The following TBC1D22A variants were observed in gnomAD, a reference collection of about 807,000 sequenced individuals.
TBC1D22A encodes the protein TBC1 domain family member 22A, also known as putative GTPase activator.
In TBC1D22A, 38 loss-of-function variants were observed where a neutral mutation model predicts 60.2. That is an observed-to-expected ratio of 0.63 (90% CI 0.49 to 0.83). TBC1D22A has a LOEUF of 0.83. TBC1D22A is among the 40% of genes least tolerant of loss of function. The pLI is 0.00. For synonymous variants in TBC1D22A, 302 were observed against 281.7 expected, an observed-to-expected ratio of 1.07 and a Z score of -0.72; for missense variants, 628 against 701.0, an observed-to-expected ratio of 0.90 and a Z score of 1.18.
At chr22:46,931,874 A>G (rs1315819574) in intron 8 of TBC1D22A, among the ~76,000 whole-genome samples, 1 of 152,174 alleles carries the variant, frequency 6.6e-6, no homozygotes, top group Non-Finnish European at 1.5e-5. Flanking sequence ...TTTTGTTCCT[A>G]GAAATGTTAA....
intron 4 of TBC1D22A, among the ~76,000 whole-genome samples, chr22:46,874,825 T>C (rs952663529): frequency 3.9e-5 from 6 of 152,038 alleles, no homozygotes; most frequent in African/African-American, 9.7e-5. Context: ...CTGCCCGCCT[T>C]GGCCTCCCAA....
At chr22:46,771,643 G>A (rs2083483074) in intron 1 of TBC1D22A, among the ~76,000 whole-genome samples, 1 of 151,036 alleles carries the variant, frequency 6.6e-6, no homozygotes, top group Non-Finnish European at 1.5e-5. Context: ...TGCCCAGGCT[G>A]GAGTGGAGTG....
intron 1 of TBC1D22A, among the ~76,000 whole-genome samples, chr22:46,784,268 TCCTGGTCTCAAGTGATCCGCCTG>T (rs936245732): frequency 6.6e-6 from 1 of 152,122 alleles, no homozygotes; most frequent in African/African-American, 2.4e-5. Flanking sequence ...AGTCTTGAAC[TCCTGGTCTCAAGTGATCCGCCTG>T]CCTGGTCTCA....
At chr22:47,060,935 C>T (rs535735877) in intron 11 of TBC1D22A, among the ~76,000 whole-genome samples, 2 of 152,318 alleles carry the variant, frequency 1.3e-5, no homozygotes, top group East Asian at 3.9e-4. Context: ...TGTCAGGGGC[C>T]TTGTCTTTGC....
chr22:47,091,975 G>A (rs180724175), intron 11 of TBC1D22A, among the ~76,000 whole-genome samples: 3 of 152,306 alleles, frequency 2.0e-5, no homozygotes, highest in African/African-American at 4.8e-5. Context: ...TGGAAAGCGT[G>A]TACTCGTGTA....
intron 4 of TBC1D22A, among the ~76,000 whole-genome samples, chr22:46,832,100 T>C (rs1196619096): frequency 6.6e-6 from 1 of 152,120 alleles, no homozygotes; most frequent in African/African-American, 2.4e-5. Flanking sequence ...TGGAAAATGG[T>C]GGGGGCCCAG....
chr22:46,851,982 T>A (rs1016998534), intron 4 of TBC1D22A, among the ~76,000 whole-genome samples: 11 of 152,128 alleles, frequency 7.2e-5, no homozygotes, highest in African/African-American at 2.4e-4. Context: ...TGCATTTGGG[T>A]TTGATGAAGA....
At chr22:46,780,417 C>A (rs187072509) in intron 1 of TBC1D22A, among the ~76,000 whole-genome samples, 39 of 151,912 alleles carry the variant, frequency 2.6e-4, no homozygotes, top group African/African-American at 9.4e-4. Flanking sequence ...CTATTTTCAC[C>A]TACTGCTGTT....
In TBC1D22A at chr22:46,891,398, G is replaced by A; in HGVS notation, c.837+4G>A. 6.3e-7 allele frequency: 1 copy of A among 1,594,120 alleles called. No homozygotes were observed. The highest frequency in any genetic ancestry group is 8.5e-7 in the Non-Finnish European group (1 of 1,173,684). On this transcript the variant is annotated splice_donor_region_variant and intron_variant, in intron 6 of 12. Transcript: ENST00000337137. ...TCACCAGGACACATACAGGCAGGTG[G>A]GAATCCTTTCTTTTTTTCGTATGTT...
intron 8 of TBC1D22A, among the ~76,000 whole-genome samples, chr22:46,943,987 A>T (rs1416537916): frequency 6.6e-6 from 1 of 152,238 alleles, no homozygotes; most frequent in African/African-American, 2.4e-5. Context: ...ACTTCTGGCT[A>T]TTATGAACAG....
At chr22:47,054,369 A>G (rs1366343081) in intron 11 of TBC1D22A, among the ~76,000 whole-genome samples, 1 of 152,076 alleles carries the variant, frequency 6.6e-6, no homozygotes, top group Admixed American at 6.5e-5. Context: ...TTCTGCCTCG[A>G]GGCACCACTC....
intron 12 of TBC1D22A, among the ~76,000 whole-genome samples, chr22:47,115,103 G>A (rs2065986656): frequency 1.3e-5 from 2 of 152,126 alleles, no homozygotes; most frequent in African/African-American, 4.8e-5. Flanking sequence ...CTGCACTCTG[G>A]GCCTCCTGGC....
intron 1 of TBC1D22A, among the ~76,000 whole-genome samples, chr22:46,765,955 TTATGTGTGTG>T (rs1394970831): frequency 1.3e-4 from 15 of 113,312 alleles, no homozygotes; most frequent in East Asian, 5.3e-4. Flanking sequence ...CCCAGCTAAT[TTATGTGTGTG>T]TGTGTGTGTG....
chr22:46,947,758 G>A (rs541132146), intron 8 of TBC1D22A, among the ~76,000 whole-genome samples: 2 of 151,776 alleles, frequency 1.3e-5, no homozygotes, highest in South Asian at 4.2e-4. Flanking sequence ...TGGCAGAGAC[G>A]CCTGCCCAAG....
At chr22:46,915,284 C>T in intron 8 of TBC1D22A, 3 of 409,694 alleles carry the variant, frequency 7.3e-6, no homozygotes, top group South Asian at 3.6e-5. Context: ...CGGGTGCCCT[C>T]CAGAGAGGCT....
chr22:46,971,219 G>C (rs1469017025), intron 8 of TBC1D22A, among the ~76,000 whole-genome samples: 1 of 152,148 alleles, frequency 6.6e-6, no homozygotes, highest in Non-Finnish European at 1.5e-5. Flanking sequence ...AAAATAACAA[G>C]CCAGCTAAAC....
At chr22:47,145,847 G>A (rs547201861) in intron 12 of TBC1D22A, among the ~76,000 whole-genome samples, 3 of 152,344 alleles carry the variant, frequency 2.0e-5, no homozygotes, top group South Asian at 2.1e-4. Flanking sequence ...GAGAGTCAGC[G>A]GAGTGGATTA....
At chr22:46,930,866 T>G (rs893668754) in intron 8 of TBC1D22A, among the ~76,000 whole-genome samples, 3 of 152,192 alleles carry the variant, frequency 2.0e-5, no homozygotes, top group Admixed American at 6.5e-5. Context: ...TCTCCTTCCT[T>G]CCTGCCTTTC....
chr22:46,871,511 C>T (rs960706406), intron 4 of TBC1D22A, among the ~76,000 whole-genome samples: 3 of 152,212 alleles, frequency 2.0e-5, no homozygotes, highest in African/African-American at 7.2e-5. Context: ...CCAAATTCAT[C>T]TGACCAAATG....
Sources: gnomAD v4.1 joint callset for allele counts (sites outside exome capture counted in the v4.1 genomes callset) on GRCh38, gnomAD v4.1.1 for gene constraint, MANE v1.5 for transcripts, NCBI Gene and HGNC (gene_info 2026-07-23, HGNC 2026-07-21) for gene names.